Variants in CCDC186 observed in about 807,000 individuals in gnomAD.
The protein encoded by CCDC186 is coiled-coil domain-containing protein 186.
In CCDC186, 49 loss-of-function variants were observed where a neutral mutation model predicts 113.7. The observed-to-expected ratio is 0.43, with a 90% CI of 0.34 to 0.55. The LOEUF is 0.55. Among genes scored for constraint, CCDC186 ranks in the 20% least tolerant of loss-of-function variants. The probability of loss-of-function intolerance (pLI) is 0.02; values close to 1 mark genes in which losing one functional copy is unlikely to be tolerated. For missense variants in CCDC186, 890 were observed against 1,011.1 expected, an observed-to-expected ratio of 0.88 and a Z score of 1.62; for synonymous variants, 355 against 345.8, an observed-to-expected ratio of 1.03 and a Z score of -0.30.
At chr10:114,170,311 G>C (rs1008776842) in intron 1 of CCDC186, among the ~76,000 whole-genome samples, 2 of 151,590 alleles carry the variant, frequency 1.3e-5, no homozygotes, top group African/African-American at 4.8e-5. Context: ...TAAGCTTTTG[G>C]GTAAAAGCTA....
At chr10:114,162,557 T>C in intron 2 of CCDC186, 80 bp downstream of exon 2, 1 of 1,047,488 alleles carries the variant, frequency 9.5e-7, no homozygotes, top group Non-Finnish European at 1.3e-6. Flanking sequence ...AACAAAATGG[T>C]ATTTTCCTTT....
chr10:114,148,121 CCT>C (rs935822961), intron 4 of CCDC186, among the ~76,000 whole-genome samples: 2 of 151,946 alleles, frequency 1.3e-5, no homozygotes, highest in African/African-American at 4.8e-5. Context: ...GGCAACAGAC[CCT>C]GTCTCAAAAA....
At position 114,148,449 on chromosome 10, in the gene CCDC186, A is replaced by G. The variant is rs150925913; in HGVS notation, c.888+2643T>C. Among the ~76,000 whole-genome samples, 268 of 152,394 alleles carry G rather than the reference A, an allele frequency of 1.8e-3. 3 individuals are homozygous for G. Among genetic ancestry groups the G allele is most frequent in the African/African-American group, 6.3e-3 (260 of 41,592 alleles). ...TTTATCCACTGTAAGTAAGATGATT[A>G]TCATTGACTTGGATAAAGATAAGTA... is the stretch of plus-strand genomic sequence containing the variant. On this transcript the variant is annotated intron_variant, in intron 4 of 15. Transcript: ENST00000369287.
At chr10:114,160,604 G>C (rs1051506734) in intron 2 of CCDC186, among the ~76,000 whole-genome samples, 3 of 142,672 alleles carry the variant, frequency 2.1e-5, no homozygotes, top group Admixed American at 7.3e-5. Context: ...ATCATTTCAC[G>C]ATGTATATCA....
At chr10:114,149,889 G>C (rs1179658956) in intron 4 of CCDC186, among the ~76,000 whole-genome samples, 1 of 152,036 alleles carries the variant, frequency 6.6e-6, no homozygotes, top group East Asian at 1.9e-4. Flanking sequence ...TGGCTCACCA[G>C]GTGATTCTAA....
intron 3 of CCDC186, among the ~76,000 whole-genome samples, chr10:114,154,046 CA>C (rs2031935192): frequency 6.6e-6 from 1 of 150,964 alleles, no homozygotes; most frequent in East Asian, 1.9e-4. Flanking sequence ...CCCATCTCCA[CA>C]AAAAAATACA....
chr10:114,140,148 A>G (rs374875315), intron 6 of CCDC186, among the ~76,000 whole-genome samples: 6 of 152,370 alleles, frequency 3.9e-5, no homozygotes, highest in East Asian at 1.9e-4. Context: ...AATACAATAC[A>G]TAAGTAAAAC....
In CCDC186 at chr10:114,136,048, C is replaced by G; in HGVS notation, c.1426-71G>C. ...TATATCTAAGATTTATTGCCTGTTCCTTCCAAAAGGCCTTAAAAGTAGATA... is the reference window on the plus strand; with the variant it reads ...TATATCTAAGATTTATTGCCTGTTCGTTCCAAAAGGCCTTAAAAGTAGATA... On this transcript the variant is annotated intron_variant, in intron 8 of 15. Transcript: ENST00000369287. The G allele has an allele frequency of 4.0e-6, 6 of 1,503,896 alleles. No homozygotes were observed. In the South Asian group the frequency reaches 6.8e-5, roughly 17 times the overall value. 93.2% of individuals were successfully genotyped at this position (1,503,896 alleles called of 1,614,324 possible).
At position 114,125,204 on chromosome 10, in the gene CCDC186, G is replaced by T. The variant is rs756548615; in HGVS notation, c.2636C>A (p.Thr879Lys). The T allele has an allele frequency of 6.2e-7, 1 of 1,610,800 alleles. No homozygotes were observed. Among genetic ancestry groups the T allele is most frequent in the Admixed American group, 1.7e-5 (1 of 59,660 alleles). ...TLKENLQTLG[T>K]EIERLIKHQH... ...GTGTTTAATAAGACGTTCTATTTCT[G>T]TTCCAAGTGTTTGTAGATTTTCCTT... The change falls in exon 16 of 16, where the codon ACA (threonine) becomes AAA (lysine). Residue 879 changes from threonine (T) to lysine (K), a missense_variant. By Grantham distance (78) the Thr-to-Lys change is moderately conservative. Transcript: ENST00000369287.
intron 1 of CCDC186, 124 bp downstream of exon 1, chr10:114,173,891 C>A: frequency 2.6e-6 from 1 of 388,984 alleles, no homozygotes; most frequent in Admixed American, 2.9e-5. Flanking sequence ...TCGACCTCGA[C>A]CTCCACCTCG....
chr10:114,150,805 C>A (rs11598833), intron 4 of CCDC186, among the ~76,000 whole-genome samples: 1 of 152,044 alleles, frequency 6.6e-6, no homozygotes, highest in African/African-American at 2.4e-5. Flanking sequence ...TGCGCCACCA[C>A]GTCTGGCTAA....
At chr10:114,126,423 C>A (rs1161776655) in intron 14 of CCDC186, among the ~76,000 whole-genome samples, 2 of 152,198 alleles carry the variant, frequency 1.3e-5, no homozygotes, top group African/African-American at 4.8e-5. Flanking sequence ...GTGACACAAA[C>A]ATAGCTCGCT....
At chr10:114,152,176 A>T (rs2031876167) in intron 3 of CCDC186, among the ~76,000 whole-genome samples, 1 of 152,114 alleles carries the variant, frequency 6.6e-6, no homozygotes, top group Admixed American at 6.5e-5. Context: ...CCCAATCTCT[A>T]CAAAAAATTT....
chr10:114,158,619 A>G (rs2032078434), intron 2 of CCDC186, among the ~76,000 whole-genome samples: 1 of 152,006 alleles, frequency 6.6e-6, no homozygotes, highest in Non-Finnish European at 1.5e-5. Flanking sequence ...GTCCCAGGAA[A>G]AGCACTTGAT....
chr10:114,166,285 A>G (rs766794423), intron 1 of CCDC186, among the ~76,000 whole-genome samples: 1 of 152,198 alleles, frequency 6.6e-6, no homozygotes, highest in Non-Finnish European at 1.5e-5. Context: ...TCTAACTCAA[A>G]GATTCCCCCA....
chr10:114,137,993 C>G (rs956489537), intron 6 of CCDC186, among the ~76,000 whole-genome samples: 1 of 126,286 alleles, frequency 7.9e-6, no homozygotes, highest in Non-Finnish European at 1.6e-5. Flanking sequence ...GCCGAAATTG[C>G]GCCACTGTAC....
chr10:114,136,464 T>C (rs924385740), intron 7 of CCDC186, among the ~76,000 whole-genome samples: 9 of 152,244 alleles, frequency 5.9e-5, no homozygotes, highest in Non-Finnish European at 1.0e-4. Context: ...TGTGTTTATG[T>C]AAAATTAAAT....
chr10:114,155,266 A>T (rs1046470673), intron 3 of CCDC186, among the ~76,000 whole-genome samples: 9 of 152,234 alleles, frequency 5.9e-5, no homozygotes, highest in African/African-American at 2.2e-4. Context: ...AAAGACCTAA[A>T]TCTTATAGTA....
At chr10:114,167,799 TAA>T (rs60257583) in intron 1 of CCDC186, among the ~76,000 whole-genome samples, 8,925 of 70,900 alleles carry the variant, frequency 0.13, 337 homozygotes, top group Middle Eastern at 0.15. Flanking sequence ...CTAATCTCCG[TAA>T]AAAAAAAAAA....
Sources: allele counts gnomAD v4.1 joint callset (sites outside exome capture counted in the v4.1 genomes callset), GRCh38; gene constraint gnomAD v4.1.1; transcripts MANE v1.5; gene names NCBI Gene and HGNC (gene_info 2026-07-23, HGNC 2026-07-21).